Variants in ZNF469 observed in about 807,000 individuals in gnomAD.
The protein encoded by ZNF469 is zinc finger protein 469.
A neutral mutation model predicts 1.0 loss-of-function variants in ZNF469; 1 was observed. That is an observed-to-expected ratio of 1.00 (90% CI 0.35 to 4.73). ZNF469 has a LOEUF of 4.73. Ranked by LOEUF, ZNF469 falls within the 30% of genes most tolerant of loss-of-function variation. The pLI is 0.16. For missense variants in ZNF469, 6,100 were observed against 5,356.3 expected, an observed-to-expected ratio of 1.14 and a Z score of -4.33; for synonymous variants, 2,703 against 2,363.4, an observed-to-expected ratio of 1.14 and a Z score of -4.17.
Position 88,424,238 on chromosome 16 carries a change from G to A in ZNF469, c.-191-569G>A, listed in dbSNP as rs1394601146. ...AGAGTGAGAAACCTCTTCACGGAAT[G>A]TTGTGGGATTATCTACAGGATATGT... On this transcript the variant is annotated intron_variant, in intron 1 of 2. Coordinates refer to ENST00000565624, the MANE Select transcript of ZNF469 (RefSeq NM_001367624.2). The surrounding 1 kb of genome is among the most constrained non-coding windows in gnomAD (Gnocchi z 4.3). Among the ~76,000 whole-genome samples, 1 of 152,244 alleles carries A rather than the reference G, an allele frequency of 6.6e-6. No homozygotes were observed.
chr16:88,189,862 T>C, the ZNF469 span, among the ~76,000 whole-genome samples: 2 of 152,156 alleles, frequency 1.3e-5, no homozygotes, highest in Non-Finnish European at 2.9e-5. This position sits in a 1 kb window ranked among gnomAD's most constrained non-coding sequence, Gnocchi z 4.3. Context: ...GAGGTTGCAG[T>C]GAGCCGAGAT....
chr16:88,384,618 G>A (rs2092533291), intron 1 of ZNF469, among the ~76,000 whole-genome samples: 2 of 152,188 alleles, frequency 1.3e-5, no homozygotes, highest in South Asian at 2.1e-4. Flanking sequence ...TAGAAAAGAG[G>A]AAGAGGATAT....
At chr16:88,331,575 C>CCACCACCACCACCAT in the ZNF469 span, among the ~76,000 whole-genome samples, 13 of 149,192 alleles carry the variant, frequency 8.7e-5, no homozygotes, top group Non-Finnish European at 1.8e-4. Context: ...ATCACCACCA[C>CCACCACCACCACCAT]CACCACCACC....
the ZNF469 span, among the ~76,000 whole-genome samples, chr16:88,367,933 C>T: frequency 2.2e-4 from 34 of 152,350 alleles, no homozygotes; most frequent in Admixed American, 2.6e-4. Flanking sequence ...GCCAGCTCTA[C>T]GGCAAACACA....
At chr16:88,326,105 C>A in the ZNF469 span, among the ~76,000 whole-genome samples, 2 of 152,194 alleles carry the variant, frequency 1.3e-5, no homozygotes, top group Non-Finnish European at 2.9e-5. Flanking sequence ...GGTCTCAGAG[C>A]CTTTGTGATA....
At chr16:88,380,333 ACACATGCGCTCACACACATGCGCT>A (rs2092517975), upstream of ZNF469, among the ~76,000 whole-genome samples, 1 of 69,614 alleles carries the variant, frequency 1.4e-5, no homozygotes, top group African/African-American at 1.9e-4. Flanking sequence ...ACATGCACTC[ACACATGCGCTCACACACATGCGCT>A]CACACACAGA....
At chr16:88,157,741 C>T in the ZNF469 span, among the ~76,000 whole-genome samples, 1 of 152,224 alleles carries the variant, frequency 6.6e-6, no homozygotes. Context: ...TGCCTTCCCT[C>T]AGCCCCCATC....
At chr16:88,410,399 TTGA>T (rs1250245172) in intron 1 of ZNF469, among the ~76,000 whole-genome samples, 1 of 151,256 alleles carries the variant, frequency 6.6e-6, no homozygotes, top group African/African-American at 2.4e-5. Flanking sequence ...TATGATGCTG[TTGA>T]TGGTGCAGGT....
the ZNF469 span, among the ~76,000 whole-genome samples, chr16:88,326,786 C>T: frequency 6.6e-6 from 1 of 152,230 alleles, no homozygotes; most frequent in African/African-American, 2.4e-5. Flanking sequence ...CTTCCCTGGC[C>T]AGGGCAGCAC....
chr16:88,325,868 C>T, the ZNF469 span, among the ~76,000 whole-genome samples: 1 of 152,232 alleles, frequency 6.6e-6, no homozygotes, highest in East Asian at 1.9e-4. Context: ...GCAGAAGGAT[C>T]GGTGCTCTGC....
the ZNF469 span, among the ~76,000 whole-genome samples, chr16:88,307,464 G>A: frequency 6.6e-6 from 1 of 152,236 alleles, no homozygotes; most frequent in Admixed American, 6.5e-5. Context: ...CCCACGGGCA[G>A]TGTGGGAGGG....
At chr16:88,166,772 AAC>A in the ZNF469 span, among the ~76,000 whole-genome samples, 257 of 145,876 alleles carry the variant, frequency 1.8e-3, 4 homozygotes, top group African/African-American at 5.9e-3. This position sits in a 1 kb window ranked among gnomAD's most constrained non-coding sequence, Gnocchi z 4.5. Context: ...CAGAATCATA[AAC>A]ACACACACAC....
chr16:88,244,589 A>G, the ZNF469 span, among the ~76,000 whole-genome samples: 1 of 151,538 alleles, frequency 6.6e-6, no homozygotes, highest in East Asian at 1.9e-4. Context: ...GGATGGATGG[A>G]TGGATGTGTG....
chr16:88,142,683 C>T, the ZNF469 span, among the ~76,000 whole-genome samples: 3 of 152,212 alleles, frequency 2.0e-5, no homozygotes, highest in African/African-American at 7.2e-5. Flanking sequence ...ATGTCACCAC[C>T]CTGTTTTACA....
the ZNF469 span, among the ~76,000 whole-genome samples, chr16:88,167,935 G>A: frequency 1.3e-5 from 2 of 152,238 alleles, no homozygotes; most frequent in Non-Finnish European, 2.9e-5. Context: ...TCAGCCAGGC[G>A]TCTTGAACAC....
the ZNF469 span, among the ~76,000 whole-genome samples, chr16:88,224,703 G>A: frequency 6.6e-6 from 1 of 152,210 alleles, no homozygotes; most frequent in Non-Finnish European, 1.5e-5. Context: ...GTGTCTCTGT[G>A]TGTGTGTGTC....
chr16:88,264,279 C>G, the ZNF469 span, among the ~76,000 whole-genome samples: 1 of 152,026 alleles, frequency 6.6e-6, no homozygotes, highest in Non-Finnish European at 1.5e-5. Flanking sequence ...TGGCTCCTGC[C>G]CTGCCCTAGG....
chr16:88,159,162 A>C, the ZNF469 span, among the ~76,000 whole-genome samples: 4 of 117,214 alleles, frequency 3.4e-5, no homozygotes, highest in Non-Finnish European at 8.3e-5. Context: ...TCATATGGCT[A>C]TGTGGACCAC....
upstream of ZNF469, among the ~76,000 whole-genome samples, chr16:88,380,559 A>C (rs1377186586): frequency 7.8e-6 from 1 of 128,374 alleles, no homozygotes; most frequent in African/African-American, 3.5e-5. Context: ...ACATGCACTC[A>C]CACACAGACG....
Sources: gnomAD v4.1 joint callset for allele counts (sites outside exome capture counted in the v4.1 genomes callset) on GRCh38, gnomAD v4.1.1 for gene constraint, Gnocchi (gnomAD v3.1) non-coding constraint, MANE v1.5 for transcripts, NCBI Gene and HGNC (gene_info 2026-07-23, HGNC 2026-07-21) for gene names.